Variants in UNC5A observed in about 807,000 individuals in gnomAD.
The protein encoded by UNC5A is netrin receptor UNC5A.
A neutral mutation model predicts 87.4 loss-of-function variants in UNC5A; 20 were observed. The observed-to-expected ratio is 0.23, with a 90% CI of 0.16 to 0.33. The LOEUF is 0.33. Ranked by LOEUF, UNC5A falls within the 10% of genes least tolerant of loss-of-function variation. The pLI, the probability that UNC5A is intolerant of heterozygous loss-of-function variation, is 1.00. For synonymous variants in UNC5A, 438 were observed against 482.3 expected (o/e 0.91, Z 1.20); for missense variants, 844 against 1,133.4 (o/e 0.74, Z 3.67).
chr5:176,820,746 C>G (rs1756707367), intron 1 of UNC5A, among the ~76,000 whole-genome samples: 1 of 152,196 alleles, frequency 6.6e-6, no homozygotes, highest in African/African-American at 2.4e-5. Flanking sequence ...GGCTGTGGCA[C>G]CTCCAGTGGA....
Position 176,848,721 on chromosome 5 carries a change from G to T in UNC5A, c.71-13903G>T, listed in dbSNP as rs1465727620. Reference sequence around the variant, plus strand: ...TCCCCCACCTGGACTCGCCTGTGCCGCTGGTTGCAGGAGGCTTCAGCTGCC... The same window carrying T: ...TCCCCCACCTGGACTCGCCTGTGCCTCTGGTTGCAGGAGGCTTCAGCTGCC... On this transcript the variant is annotated intron_variant, in intron 1 of 14. Coordinates refer to ENST00000329542, the MANE Select transcript of UNC5A (RefSeq NM_133369.3). The surrounding 1 kb of genome is among the most constrained non-coding windows in gnomAD (Gnocchi z 5.8). 6.6e-6 allele frequency among the ~76,000 whole-genome samples: 1 copy of T among 152,166 alleles called. No individual in the cohort carries two copies. The highest frequency in any genetic ancestry group is 1.5e-5 in the Non-Finnish European group (1 of 68,018).
intron 1 of UNC5A, among the ~76,000 whole-genome samples, chr5:176,839,679 G>A (rs1757225736): frequency 6.6e-6 from 1 of 152,234 alleles, no homozygotes; most frequent in Admixed American, 6.5e-5. Context: ...TGCAGGGAGT[G>A]GGTGATCTGG....
At chr5:176,823,552 A>C (rs1225577654) in intron 1 of UNC5A, among the ~76,000 whole-genome samples, 1 of 151,920 alleles carries the variant, frequency 6.6e-6, no homozygotes, top group Admixed American at 6.5e-5. Context: ...GGAAAGGTGG[A>C]TTTACTTGGT....
At chr5:176,834,950 C>T (rs903002378) in intron 1 of UNC5A, among the ~76,000 whole-genome samples, 9 of 152,268 alleles carry the variant, frequency 5.9e-5, no homozygotes, top group African/African-American at 2.2e-4. Flanking sequence ...TTCTTATCCC[C>T]ATAGCTGGGC....
At chr5:176,857,393 G>C (rs557564733) in intron 1 of UNC5A, among the ~76,000 whole-genome samples, 1 of 152,272 alleles carries the variant, frequency 6.6e-6, no homozygotes, top group East Asian at 1.9e-4. Context: ...AAGGCTCCTT[G>C]CCCAGGGGTC....
chr5:176,858,817 A>AAAGG (rs1170606091), intron 1 of UNC5A, among the ~76,000 whole-genome samples: 1 of 151,562 alleles, frequency 6.6e-6, no homozygotes, highest in Non-Finnish European at 1.5e-5. Flanking sequence ...GGAAAGAAAG[A>AAAGG]AAGGAAGGAA....
At chr5:176,836,488 CA>C (rs1326926279) in intron 1 of UNC5A, among the ~76,000 whole-genome samples, 1 of 152,154 alleles carries the variant, frequency 6.6e-6, no homozygotes. Context: ...GCTGAGATCT[CA>C]CAGAGACGAC....
intron 1 of UNC5A, among the ~76,000 whole-genome samples, chr5:176,853,876 G>A (rs185764953): frequency 3.8e-4 from 58 of 152,282 alleles, no homozygotes; most frequent in Middle Eastern, 6.8e-3. Context: ...CCAAGGGGAC[G>A]GGAAGGGGAA....
Position 176,875,666 on chromosome 5 carries a change from C to G in UNC5A, c.1378+1100C>G, listed in dbSNP as rs187087759. On this transcript the variant is annotated intron_variant, in intron 8 of 14. Coordinates refer to ENST00000329542, the MANE Select transcript of UNC5A (RefSeq NM_133369.3). This position sits in a 1 kb window ranked among gnomAD's most constrained non-coding sequence, Gnocchi z 5.2. ...AATCCCTTCTGGGCTCCCCTCTGCC[C>G]CCTGCAAAGCCCACATGATACCACA... Among the ~76,000 whole-genome samples, 1,342 of 152,320 alleles carry G rather than the reference C, an allele frequency of 8.8e-3. 6 individuals are homozygous for G. Among genetic ancestry groups the G allele is most frequent in the Middle Eastern group, 0.017 (5 of 294 alleles).
rs1195901807 is a variant in UNC5A at position 176,865,594 on chromosome 5, A to G, written c.293-2536A>G. The G allele has an allele frequency of 2.2e-6, 1 of 456,830 alleles. No homozygotes were observed. Among genetic ancestry groups the G allele is most frequent in the South Asian group, 1.5e-5 (1 of 64,576 alleles). 28.3% of individuals were successfully genotyped at this position (456,830 alleles called of 1,614,324 possible). A position where few individuals can be genotyped will look rare whatever the true frequency, so the allele number is the denominator to read the frequency against. On this transcript the variant is annotated intron_variant, in intron 2 of 14. Coordinates refer to ENST00000329542, the MANE Select transcript of UNC5A (RefSeq NM_133369.3). This position sits in a 1 kb window ranked among gnomAD's most constrained non-coding sequence, Gnocchi z 5.3. Reference sequence around the variant, plus strand: ...GTTCATTGATCTCATCGATTTCTCAACCCAAAGCCATCGAGTGCTTTGAGG... The same window carrying G: ...GTTCATTGATCTCATCGATTTCTCAGCCCAAAGCCATCGAGTGCTTTGAGG...
At position 176,824,312 on chromosome 5, in the gene UNC5A, T is replaced by G. The variant is rs538460838; in HGVS notation, c.70+13492T>G. On this transcript the variant is annotated intron_variant, in intron 1 of 14. Transcript: ENST00000329542. The surrounding 1 kb of genome is among the most constrained non-coding windows in gnomAD (Gnocchi z 4.2). ...GGCTGTCCCAGTGGCCCCGAGGCCC[T>G]GAGGCTCTGGTCCCTGCAGCTTTTC... Among the ~76,000 whole-genome samples the G allele has an allele frequency of 3.3e-5, 5 of 152,276 alleles. No homozygotes were observed. The highest frequency in any genetic ancestry group is 7.3e-5 in the Non-Finnish European group (5 of 68,028).
chr5:176,834,821 G>A (rs1233135036), intron 1 of UNC5A, among the ~76,000 whole-genome samples: 1 of 152,054 alleles, frequency 6.6e-6, no homozygotes, highest in Admixed American at 6.6e-5. Flanking sequence ...CTGTCTCCTG[G>A]TGCTAGGAGA....
In UNC5A at chr5:176,851,457, A is replaced by T. The variant is rs530566270; in HGVS notation, c.71-11167A>T. On this transcript the variant is annotated intron_variant, in intron 1 of 14. Coordinates refer to ENST00000329542, the MANE Select transcript of UNC5A (RefSeq NM_133369.3). ...CCCAGCTCTGGCGGGGCACACATTA[A>T]ACCAGTGAGATATGAAATGCCGCCA... Among the ~76,000 whole-genome samples the T allele has an allele frequency of 6.5e-4, 99 of 152,296 alleles. 3 individuals are homozygous for T. Among genetic ancestry groups the T allele is most frequent in the Admixed American group, 1.2e-3 (18 of 15,308 alleles).
intron 1 of UNC5A, among the ~76,000 whole-genome samples, chr5:176,835,485 C>T (rs1415674679): frequency 6.6e-6 from 1 of 152,248 alleles, no homozygotes; most frequent in Non-Finnish European, 1.5e-5. Context: ...CCCAACAGTT[C>T]CAGATGCTCC....
Position 176,844,461 on chromosome 5 carries a change from A to C in UNC5A, c.71-18163A>C, listed in dbSNP as rs946800591. 3.9e-5 allele frequency among the ~76,000 whole-genome samples: 6 copies of C among 152,156 alleles called. No homozygotes were observed. The highest frequency in any genetic ancestry group is 3.9e-4 in the Admixed American group (6 of 15,276). On this transcript the variant is annotated intron_variant, in intron 1 of 14. Coordinates refer to ENST00000329542, the MANE Select transcript of UNC5A (RefSeq NM_133369.3). This position sits in a 1 kb window ranked among gnomAD's most constrained non-coding sequence, Gnocchi z 4.2. ...CCCACGGTGTCCCAGCTGAGCGAGA[A>C]GGGACACGGGATGATATGAGCTGGC...
At chr5:176,867,215 T>C (rs1757996563) in intron 2 of UNC5A, among the ~76,000 whole-genome samples, 1 of 152,120 alleles carries the variant, frequency 6.6e-6, no homozygotes, top group Non-Finnish European at 1.5e-5. Context: ...AACAGTCTTT[T>C]CTCACTGCTG....
At chr5:176,843,592 A>G (rs1757332065) in intron 1 of UNC5A, among the ~76,000 whole-genome samples, 1 of 152,194 alleles carries the variant, frequency 6.6e-6, no homozygotes, top group African/African-American at 2.4e-5. Flanking sequence ...TTTAAGAAAA[A>G]CCCAGATTTT....
chr5:176,870,415 T>C lies in UNC5A; in HGVS notation c.767T>C (p.Leu256Pro). 1.2e-6 allele frequency: 2 copies of C among 1,612,222 alleles called. No individual in the cohort carries two copies. The highest frequency in any genetic ancestry group is 1.7e-6 in the Non-Finnish European group (2 of 1,179,588). The change falls in exon 6 of 15, where the codon CTG (leucine) becomes CCG (proline). Residue 256 changes from leucine to proline, a missense_variant. By Grantham distance (98) the Leu-to-Pro change is moderately conservative (BLOSUM62 -3). Transcript: ENST00000329542. ...TGGAGCAAGTGGTCGGCCTGTGGGC[T>C]GGACTGCACCCACTGGCGGAGCCGT... is the stretch of plus-strand genomic sequence containing the variant. ...SPWSKWSACGLDCTHWRSREC... is the reference protein window; with the variant it reads ...SPWSKWSACGPDCTHWRSREC...
chr5:176,858,723 G>T (rs1308097044), intron 1 of UNC5A, among the ~76,000 whole-genome samples: 1 of 19,274 alleles, frequency 5.2e-5, no homozygotes, highest in Non-Finnish European at 1.1e-4. Flanking sequence ...GAGAGAGAGA[G>T]AAGGAAGGAA....
Sources: allele counts gnomAD v4.1 joint callset (sites outside exome capture counted in the v4.1 genomes callset), GRCh38; gene constraint gnomAD v4.1.1; non-coding constraint Gnocchi (gnomAD v3.1); transcripts MANE v1.5; gene names NCBI Gene and HGNC (gene_info 2026-07-23, HGNC 2026-07-21).